Variants in PBX1 observed in about 807,000 individuals in gnomAD.
PBX1 encodes the protein pre-B-cell leukemia transcription factor 1.
A neutral mutation model predicts 53.4 loss-of-function variants in PBX1; 6 were observed. That is an observed-to-expected ratio of 0.11 (90% CI 0.06 to 0.22). PBX1 has a LOEUF of 0.22. Among genes scored for constraint, PBX1 ranks in the 10% least tolerant of loss-of-function variants. The pLI is 1.00. For synonymous variants in PBX1, 204 were observed against 212.3 expected (o/e 0.96, Z 0.34); for missense variants, 251 against 551.4 (o/e 0.46, Z 5.46).
chr1:164,672,334 C>A (rs557003960), intron 2 of PBX1, among the ~76,000 whole-genome samples: 10 of 152,236 alleles, frequency 6.6e-5, no homozygotes, highest in Middle Eastern at 3.4e-3. Context: ...CCTTCCAGAC[C>A]CTGTGCTCTG....
At chr1:164,570,129 C>T (rs183794544) in intron 2 of PBX1, among the ~76,000 whole-genome samples, 8 of 152,254 alleles carry the variant, frequency 5.3e-5, no homozygotes, top group Non-Finnish European at 1.0e-4. Flanking sequence ...GATACATAAG[C>T]CTATCCATTC....
At chr1:164,584,563 C>G (rs1053446792) in intron 2 of PBX1, among the ~76,000 whole-genome samples, 2 of 152,102 alleles carry the variant, frequency 1.3e-5, no homozygotes, top group Non-Finnish European at 2.9e-5. Flanking sequence ...CAGCATGTTA[C>G]TGAATGGGGA....
intron 1 of PBX1, chr1:164,560,541 T>G (rs973096516): frequency 7.0e-6 from 1 of 143,782 alleles, no homozygotes; most frequent in Non-Finnish European, 1.3e-5. Flanking sequence ...TTTTTATCTT[T>G]TCTCCTTTCT....
At chr1:164,881,458 GAA>G (rs2102466144) in intron 2 of PBX1, among the ~76,000 whole-genome samples, 1 of 151,432 alleles carries the variant, frequency 6.6e-6, no homozygotes, top group East Asian at 2.0e-4. Context: ...AGGAAAAATA[GAA>G]AAGAGGAGAG....
chr1:164,667,366 A>G (rs1251470973), intron 2 of PBX1, among the ~76,000 whole-genome samples: 3 of 150,710 alleles, frequency 2.0e-5, no homozygotes, highest in African/African-American at 7.3e-5. Context: ...TATAATCTAT[A>G]TAATATAATG....
intron 2 of PBX1, chr1:164,700,566 G>A (rs1030904327): frequency 1.0e-6 from 1 of 985,376 alleles, no homozygotes. Flanking sequence ...TAGGTTGGGG[G>A]ACACGGGAGC....
intron 8 of PBX1, chr1:164,829,039 C>T (rs138833270): frequency 1.3e-5 from 2 of 152,224 alleles, no homozygotes; most frequent in Admixed American, 6.5e-5. Flanking sequence ...ATAAAAATGC[C>T]TTATTCCACA....
rs146653553 is a variant in PBX1, at chr1:164,821,618, G to A, written c.1192G>A (p.Gly398Ser). 2.5e-6 allele frequency: 4 copies of A among 1,613,170 alleles called. No individual in the cohort carries two copies. The African/African-American group carries it at 5.3e-5, about 22-fold the overall frequency. The change falls in exon 8 of 9, where the codon GGC (glycine) becomes AGC (serine). Residue 398 changes from glycine (G) to serine (S), a missense_variant. Gly to Ser is a moderately conservative substitution (Grantham distance 56). Around this residue, in one of 4 missense-constraint regions of PBX1, gnomAD observed 92 missense variants for 130.4 expected, o/e 0.71. Transcript: ENST00000420696. ...LAASQMYSPQ[G>S]ISANGGWQDA... is the part of the protein sequence containing the mutation. ...AGCCAGTCAGATGTACAGTCCGCAGGGCATCAGTGTAAGAAAACAAGCCCC... is the reference window on the plus strand; with the variant it reads ...AGCCAGTCAGATGTACAGTCCGCAGAGCATCAGTGTAAGAAAACAAGCCCC...
At chr1:164,593,683 T>C (rs1253285256) in intron 2 of PBX1, among the ~76,000 whole-genome samples, 1 of 152,160 alleles carries the variant, frequency 6.6e-6, no homozygotes, top group East Asian at 1.9e-4. Context: ...TTGCTAAGTT[T>C]TTTCTTCCTT....
intron 2 of PBX1, among the ~76,000 whole-genome samples, chr1:164,581,414 G>A (rs1326914351): frequency 6.6e-6 from 1 of 152,014 alleles, no homozygotes; most frequent in Non-Finnish European, 1.5e-5. Flanking sequence ...TTTTAGTAAA[G>A]ACGGGATTTC....
chr1:164,584,345 G>T (rs1007828381), intron 2 of PBX1, among the ~76,000 whole-genome samples: 21 of 151,596 alleles, frequency 1.4e-4, no homozygotes, highest in Non-Finnish European at 1.2e-4. Flanking sequence ...CTAGGAAGGA[G>T]GGAGGGAGAG....
intron 2 of PBX1, among the ~76,000 whole-genome samples, chr1:164,701,023 G>A (rs1008095842): frequency 7.9e-5 from 12 of 152,126 alleles, no homozygotes; most frequent in African/African-American, 2.4e-4. Flanking sequence ...AAAACATTAC[G>A]CAAATAGCCA....
At chr1:164,656,842 T>A (rs576681171) in intron 2 of PBX1, among the ~76,000 whole-genome samples, 5 of 152,142 alleles carry the variant, frequency 3.3e-5, no homozygotes, top group Admixed American at 6.5e-5. Flanking sequence ...TCCTATTACA[T>A]ATATTATATT....
At chr1:164,721,870 T>A (rs1222907124) in intron 2 of PBX1, among the ~76,000 whole-genome samples, 2 of 152,230 alleles carry the variant, frequency 1.3e-5, no homozygotes, top group Non-Finnish European at 2.9e-5. Flanking sequence ...AGTATCTTTT[T>A]GTGACAGGCT....
intron 2 of PBX1, among the ~76,000 whole-genome samples, chr1:164,869,046 A>G (rs1405576253): frequency 6.6e-6 from 1 of 152,218 alleles, no homozygotes; most frequent in Admixed American, 6.5e-5. Flanking sequence ...CTCTGGCATG[A>G]ATTAATAATG....
At chr1:164,636,488 C>T (rs559011982) in intron 2 of PBX1, among the ~76,000 whole-genome samples, 5 of 152,132 alleles carry the variant, frequency 3.3e-5, no homozygotes, top group Admixed American at 2.0e-4. Flanking sequence ...CTCTTTTTCC[C>T]TTTCACCAGA....
intron 2 of PBX1, among the ~76,000 whole-genome samples, chr1:164,714,552 A>C (rs958349185): frequency 3.9e-5 from 6 of 152,344 alleles, no homozygotes; most frequent in Admixed American, 6.5e-5. Flanking sequence ...CCACTGAAGA[A>C]GATATTTAGG....
At chr1:164,810,581 GA>G (rs944045269) in intron 5 of PBX1, among the ~76,000 whole-genome samples, 2 of 151,426 alleles carry the variant, frequency 1.3e-5, no homozygotes, top group Non-Finnish European at 2.9e-5. Flanking sequence ...AGTTATCTGA[GA>G]AAAAAAATCT....
chr1:164,667,015 C>T (rs1660845331), intron 2 of PBX1, among the ~76,000 whole-genome samples: 2 of 152,278 alleles, frequency 1.3e-5, no homozygotes, highest in East Asian at 1.9e-4. Flanking sequence ...TGCTGTGAAG[C>T]ACCAAGATAC....
Sources: gnomAD v4.1 joint callset for allele counts (sites outside exome capture counted in the v4.1 genomes callset) on GRCh38, gnomAD v4.1.1 for gene constraint, gnomAD v4.1.1 regional missense constraint, MANE v1.5 for transcripts, NCBI Gene and HGNC (gene_info 2026-07-23, HGNC 2026-07-21) for gene names.